PAPPA: variants seen among roughly 807,000 people sequenced by gnomAD.
PAPPA encodes pappalysin-1.
A neutral mutation model predicts 164.0 loss-of-function variants in PAPPA; 60 were observed. The observed-to-expected ratio is 0.37, with a 90% CI of 0.30 to 0.45. The LOEUF (loss-of-function observed/expected upper bound fraction) is 0.45, where lower values mean the gene tolerates loss of function less well. PAPPA is among the 20% of genes least tolerant of loss of function. The probability of loss-of-function intolerance (pLI) is 1.00; values close to 1 mark genes in which losing one functional copy is unlikely to be tolerated. For missense variants in PAPPA, 1,782 were observed against 2,087.3 expected (o/e 0.85, Z 2.85); for synonymous variants, 875 against 814.1 (o/e 1.07, Z -1.27).
intron 7 of PAPPA, among the ~76,000 whole-genome samples, chr9:116,252,995 C>A (rs1222282532): frequency 2.0e-5 from 3 of 152,196 alleles, no homozygotes; most frequent in South Asian, 2.1e-4. Context: ...AGGCACTGCA[C>A]CAGGCACAGA....
chr9:116,340,311 G>T (rs1367466260), intron 13 of PAPPA, among the ~76,000 whole-genome samples: 6 of 152,202 alleles, frequency 3.9e-5, no homozygotes, highest in Non-Finnish European at 7.3e-5. Context: ...TTAGGGTAAT[G>T]TTTATCATTT....
At chr9:116,208,455 G>C (rs905005036) in intron 3 of PAPPA, among the ~76,000 whole-genome samples, 6 of 152,036 alleles carry the variant, frequency 3.9e-5, no homozygotes, top group African/African-American at 1.4e-4. Flanking sequence ...AAGCACCCTT[G>C]TGGGTTATTT....
intron 9 of PAPPA, among the ~76,000 whole-genome samples, chr9:116,275,616 T>G (rs988303207): frequency 6.6e-6 from 1 of 152,120 alleles, no homozygotes; most frequent in Non-Finnish European, 1.5e-5. Context: ...TCTTCTTTTC[T>G]CTTCACCCCT....
chr9:116,296,022 C>G (rs957314787), intron 9 of PAPPA, among the ~76,000 whole-genome samples: 1 of 152,216 alleles, frequency 6.6e-6, no homozygotes, highest in African/African-American at 2.4e-5. Context: ...CTCCAGAAAG[C>G]TTTGGTAGCT....
chr9:116,293,971 T>G (rs1845470063), intron 9 of PAPPA, among the ~76,000 whole-genome samples: 1 of 152,040 alleles, frequency 6.6e-6, no homozygotes, highest in Non-Finnish European at 1.5e-5. Context: ...AATAAATAAA[T>G]AAAGTATTTC....
intron 21 of PAPPA, among the ~76,000 whole-genome samples, chr9:116,390,948 T>C (rs1012347699): frequency 6.6e-6 from 1 of 152,216 alleles, no homozygotes; most frequent in Admixed American, 6.5e-5. Context: ...TACTTGCATT[T>C]CATACTTTAC....
chr9:116,354,843 C>T (rs932364689), intron 17 of PAPPA, among the ~76,000 whole-genome samples: 3 of 152,160 alleles, frequency 2.0e-5, no homozygotes, highest in Non-Finnish European at 2.9e-5. Flanking sequence ...CTCTCTGAAC[C>T]AGGAGCCCCC....
At chr9:116,313,855 T>C (rs528944281) in intron 10 of PAPPA, among the ~76,000 whole-genome samples, 1 of 152,242 alleles carries the variant, frequency 6.6e-6, no homozygotes, top group East Asian at 1.9e-4. Context: ...TCTAGAGTAC[T>C]TCACATGCCA....
intron 1 of PAPPA, among the ~76,000 whole-genome samples, chr9:116,166,783 C>T (rs1273288877): frequency 6.6e-6 from 1 of 152,182 alleles, no homozygotes; most frequent in Admixed American, 6.5e-5. Context: ...CTCATCCACA[C>T]CAGTTTAATT....
rs890449630 is a variant in PAPPA at position 116,265,135 on chromosome 9, T to C, written c.2733-722T>C. ...TAGGATATCACTTAATAGCATATGA[T>C]TGTAAGCAAGTTGCTTTACCTTCCT... On this transcript the variant is annotated intron_variant, in intron 7 of 21. Coordinates refer to ENST00000328252, the MANE Select transcript of PAPPA (RefSeq NM_002581.5). Among the ~76,000 whole-genome samples the C allele has an allele frequency of 7.2e-5, 11 of 152,192 alleles. 1 individual carries two copies. The highest frequency in any genetic ancestry group is 3.9e-4 in the Admixed American group (6 of 15,278).
intron 9 of PAPPA, among the ~76,000 whole-genome samples, chr9:116,300,255 T>TTTTTC (rs1554749796): frequency 8.3e-6 from 1 of 120,302 alleles, no homozygotes; most frequent in Non-Finnish European, 1.9e-5. Flanking sequence ...TCTCTTTCTG[T>TTTTTC]TTTTCTTTTG....
At chr9:116,249,780 C>T (rs1301323715) in intron 7 of PAPPA, among the ~76,000 whole-genome samples, 1 of 152,064 alleles carries the variant, frequency 6.6e-6, no homozygotes, top group African/African-American at 2.4e-5. Context: ...CACTGAAACA[C>T]ACAATGAATG....
chr9:116,290,319 A>G (rs59620843), intron 9 of PAPPA, among the ~76,000 whole-genome samples: 5,676 of 150,538 alleles, frequency 0.038, 376 homozygotes, highest in African/African-American at 0.13. Flanking sequence ...TGGGTTCATC[A>G]TCTACACGCT....
At chr9:116,174,631 C>G (rs1448331443) in intron 1 of PAPPA, among the ~76,000 whole-genome samples, 4 of 152,206 alleles carry the variant, frequency 2.6e-5, no homozygotes, top group Non-Finnish European at 4.4e-5. Flanking sequence ...GGCACAGTGC[C>G]TGAGGTCTAC....
chr9:116,241,312 G>A (rs1844732933), intron 7 of PAPPA, among the ~76,000 whole-genome samples: 1 of 152,100 alleles, frequency 6.6e-6, no homozygotes, highest in South Asian at 2.1e-4. Context: ...CCTGTAGTTG[G>A]GAGAGATAAA....
At position 116,401,945 on chromosome 9, in the gene PAPPA, G is replaced by A. The variant is rs1189871038; in HGVS notation, c.*5329G>A. ...TTCCAATCCTTTTTCTGTACCTCAC[G>A]CGCATAAATTTGCTGCTCCTATTTT... On this transcript the variant is annotated 3_prime_UTR_variant, in exon 22 of 22. Transcript: ENST00000328252. 4.0e-5 allele frequency: 6 copies of A among 151,148 alleles called. No individual in the cohort carries two copies. The highest frequency in any genetic ancestry group is 2.1e-4 in the South Asian group (1 of 4,800). 9.4% of individuals were successfully genotyped at this position (151,148 alleles called of 1,614,324 possible). A position where few individuals can be genotyped will look rare whatever the true frequency, so the allele number is the denominator to read the frequency against.
At chr9:116,264,324 C>T (rs1485504653) in intron 7 of PAPPA, among the ~76,000 whole-genome samples, 1 of 152,194 alleles carries the variant, frequency 6.6e-6, no homozygotes, top group Non-Finnish European at 1.5e-5. Flanking sequence ...AAAAATCTCT[C>T]AAGATATTGG....
chr9:116,371,238 GA>G lies in PAPPA; in HGVS notation c.4605+3487del, dbSNP rs371928851. Among the ~76,000 whole-genome samples, 508 of 152,250 alleles carry G rather than the reference GA, an allele frequency of 3.3e-3. 17 individuals are homozygous for G. The South Asian group carries it at 0.068, about 20-fold the overall frequency. On this transcript the variant is annotated intron_variant, in intron 19 of 21. Coordinates refer to ENST00000328252, the MANE Select transcript of PAPPA (RefSeq NM_002581.5). ...TCGAGACCAGCCTGGCCAACATGGT[GA>G]AACCCCGTCTCTACTAAAAATACAA...
chr9:116,188,082 C>T lies in PAPPA; in HGVS notation c.1344C>T (p.Phe448=), dbSNP rs145700256. The T allele has an allele frequency of 2.7e-5, 44 of 1,614,108 alleles. No individual in the cohort carries two copies. The African/African-American group carries it at 4.7e-4, about 17-fold the overall frequency. The change falls in exon 2 of 22, where the codon TTC becomes TTT. Residue 448 remains phenylalanine, a synonymous_variant. Coordinates refer to ENST00000328252, the MANE Select transcript of PAPPA (RefSeq NM_002581.5). ...GDCRHLRHPA[F]VKKQHNGVCD... ...GCCGCCACCTGCGCCACCCTGCCTT[C>T]GTGAAGAAGCAGCACAACGGGGTGT...
Sources: gnomAD v4.1 joint callset for allele counts (sites outside exome capture counted in the v4.1 genomes callset) on GRCh38, gnomAD v4.1.1 for gene constraint, MANE v1.5 for transcripts, NCBI Gene and HGNC (gene_info 2026-07-23, HGNC 2026-07-21) for gene names.